The following RINT1 variants were observed in gnomAD, a reference collection of about 807,000 sequenced individuals.
The protein encoded by RINT1 is RAD50-interacting protein 1.
In RINT1, 75 loss-of-function variants were observed where a neutral mutation model predicts 97.7. The observed-to-expected ratio is 0.77, with a 90% CI of 0.64 to 0.93. The LOEUF (loss-of-function observed/expected upper bound fraction) is 0.93. Ranked by LOEUF, RINT1 falls within the 40% of genes least tolerant of loss-of-function variation. The probability of loss-of-function intolerance (pLI) is 0.00; values close to 1 mark genes in which losing one functional copy is unlikely to be tolerated. For synonymous variants in RINT1, 303 were observed against 326.3 expected (o/e 0.93, Z 0.77); for missense variants, 892 against 925.2 (o/e 0.96, Z 0.47).
chr7:105,546,398 A>C (rs996852024), intron 4 of RINT1, among the ~76,000 whole-genome samples: 5 of 152,184 alleles, frequency 3.3e-5, no homozygotes, highest in Non-Finnish European at 7.3e-5. Context: ...AGAAGAATGC[A>C]GAAGTAGAGG....
intron 14 of RINT1, chr7:105,566,787 T>G (rs895071518): frequency 6.1e-6 from 1 of 164,990 alleles, no homozygotes; most frequent in African/African-American, 2.4e-5. Flanking sequence ...CTGCTTTCAT[T>G]TATCTCTTAT....
At position 105,563,751 on chromosome 7, in the gene RINT1, C is replaced by G; in HGVS notation, c.1690C>G (p.Gln564Glu). 1 of 1,613,272 alleles carries G rather than the reference C, an allele frequency of 6.2e-7. No individual in the cohort carries two copies. Among genetic ancestry groups the G allele is most frequent in the Non-Finnish European group, 8.5e-7 (1 of 1,179,570 alleles). The change falls in exon 12 of 15, where the codon CAG becomes GAG. Residue 564 changes from glutamine (Q) to glutamate (E), a missense_variant. Transcript: ENST00000257700. ...CTTTCAGTTCTTTCTACAACTTCAACAGGCTGCACTGGAGGTGTTTGCAGA... is the reference window on the plus strand; with the variant it reads ...CTTTCAGTTCTTTCTACAACTTCAAGAGGCTGCACTGGAGGTGTTTGCAGA... ...ADNVFFLQLQQAALEVFAENN... is the reference protein window; with the variant it reads ...ADNVFFLQLQEAALEVFAENN...
At chr7:105,566,921 T>C (rs1316864604) in intron 14 of RINT1, 198 bp from the exon 15 acceptor site, 18 of 373,678 alleles carry the variant, frequency 4.8e-5, no homozygotes, top group South Asian at 1.2e-4. Context: ...TATTACCTTA[T>C]AGTAATCTAA....
intron 7 of RINT1, among the ~76,000 whole-genome samples, chr7:105,549,168 A>G (rs947970675): frequency 2.0e-5 from 3 of 151,540 alleles, no homozygotes; most frequent in Non-Finnish European, 2.9e-5. Context: ...TTGTAATTTT[A>G]GTAGAGATGG....
Position 105,567,102 on chromosome 7 carries a change from T to G in RINT1, c.2187-17T>G. The G allele has an allele frequency of 6.8e-7, 1 of 1,466,198 alleles. No homozygotes were observed. Among genetic ancestry groups the G allele is most frequent in the Non-Finnish European group, 9.1e-7 (1 of 1,104,494 alleles). 90.8% of individuals were successfully genotyped at this position (1,466,198 alleles called of 1,614,324 possible). A position where few individuals can be genotyped will look rare whatever the true frequency, so the allele number is the denominator to read the frequency against. On this transcript the variant is annotated splice_polypyrimidine_tract_variant and intron_variant, in intron 14 of 14. Coordinates refer to ENST00000257700, the MANE Select transcript of RINT1 (RefSeq NM_021930.6). The stretch of plus-strand genomic sequence containing the variant: ...ATAATGGAGATCTCATTTCCCTCCT[T>G]TGTTTTCCCTAAACAGTATAAAAGA...
intron 3 of RINT1, among the ~76,000 whole-genome samples, chr7:105,540,557 C>T (rs767481584): frequency 2.0e-5 from 3 of 152,084 alleles, no homozygotes; most frequent in South Asian, 2.1e-4. Context: ...ACACTGTGCC[C>T]GGCTGAATTT....
At chr7:105,547,779 G>T (rs1280077219) in intron 6 of RINT1, among the ~76,000 whole-genome samples, 1 of 147,132 alleles carries the variant, frequency 6.8e-6, no homozygotes, top group African/African-American at 2.5e-5. Context: ...GAATGAAGTG[G>T]CGTGATCTCA....
chr7:105,540,213 G>A (rs1790402281), intron 3 of RINT1, among the ~76,000 whole-genome samples: 1 of 151,166 alleles, frequency 6.6e-6, no homozygotes. Flanking sequence ...CTGAATAGCT[G>A]GGATTACAGG....
intron 11 of RINT1, among the ~76,000 whole-genome samples, chr7:105,561,632 G>A (rs1791446065): frequency 6.6e-6 from 1 of 152,102 alleles, no homozygotes; most frequent in Non-Finnish European, 1.5e-5. Context: ...CACGATCTCG[G>A]CTTACTGCAA....
intron 10 of RINT1, among the ~76,000 whole-genome samples, chr7:105,553,898 T>A (rs186751803): frequency 0.089 from 9,902 of 111,660 alleles, 445 homozygotes; most frequent in East Asian, 0.13. Flanking sequence ...TTTTTTTTTT[T>A]TTTTTTTTTT....
At chr7:105,561,186 A>G (rs564605324) in intron 11 of RINT1, among the ~76,000 whole-genome samples, 102 of 152,036 alleles carry the variant, frequency 6.7e-4, no homozygotes, top group Non-Finnish European at 1.3e-3. Context: ...TTATAATCTT[A>G]TGCTTAAATG....
intron 3 of RINT1, among the ~76,000 whole-genome samples, chr7:105,540,277 T>G (rs1184002159): frequency 6.6e-6 from 1 of 151,854 alleles, no homozygotes; most frequent in Non-Finnish European, 1.5e-5. Context: ...TTATTTTATT[T>G]TTTGAGACAG....
chr7:105,550,683 C>T (rs1419989980), intron 9 of RINT1, among the ~76,000 whole-genome samples, 197 bp downstream of exon 9: 1 of 152,096 alleles, frequency 6.6e-6, no homozygotes, highest in Non-Finnish European at 1.5e-5. Context: ...TTACACTCTA[C>T]ATATTTCTAG....
intron 14 of RINT1, 30 bp downstream of exon 14, chr7:105,565,678 A>C: frequency 1.4e-6 from 2 of 1,402,784 alleles, no homozygotes; most frequent in Non-Finnish European, 2.0e-6. Flanking sequence ...ATTAATATTA[A>C]TGTATCAAAT....
At position 105,554,469 on chromosome 7, in the gene RINT1, C is replaced by T. The variant is rs1481890708; in HGVS notation, c.1472-559C>T. Among the ~76,000 whole-genome samples, 5 of 146,236 alleles carry T rather than the reference C, an allele frequency of 3.4e-5. No individual in the cohort carries two copies. The South Asian group carries it at 8.5e-4, about 25-fold the overall frequency. On this transcript the variant is annotated intron_variant, in intron 10 of 14. Transcript: ENST00000257700. Reference sequence around the variant, plus strand: ...TTTTTTTTTTTGTTAGATGGAGTCTCACTCTGTTGCCTAGGCTGGAAAGCA... The same window carrying T: ...TTTTTTTTTTTGTTAGATGGAGTCTTACTCTGTTGCCTAGGCTGGAAAGCA...
chr7:105,564,315 G>A (rs945468266), intron 12 of RINT1, among the ~76,000 whole-genome samples: 1 of 152,110 alleles, frequency 6.6e-6, no homozygotes, highest in Non-Finnish European at 1.5e-5. Flanking sequence ...TCCAACTCCT[G>A]ACCTCAGGCA....
rs1324477579 is a variant in RINT1 at position 105,550,097 on chromosome 7, C to G, written c.1039C>G (p.His347Asp). Residue 347 changes from histidine (H) to aspartate (D), a missense_variant, in exon 8 of 15, where the codon CAT becomes GAT. Coordinates refer to ENST00000257700, the MANE Select transcript of RINT1 (RefSeq NM_021930.6). Reference protein sequence around the residue: ...LAQVLMWIGNHTEFLDEKIQP... With the variant: ...LAQVLMWIGNDTEFLDEKIQP... ...TCAAGTACTTATGTGGATTGGAAAC[C>G]ATACTGAATTTCTGGATGAGAAGAT... 1 of 1,613,790 alleles carries G rather than the reference C, an allele frequency of 6.2e-7. No homozygotes were observed. Among genetic ancestry groups the G allele is most frequent in the Non-Finnish European group, 8.5e-7 (1 of 1,179,800 alleles).
chr7:105,558,913 T>C (rs777229803), intron 11 of RINT1, among the ~76,000 whole-genome samples: 6 of 151,576 alleles, frequency 4.0e-5, no homozygotes, highest in Non-Finnish European at 8.8e-5. Context: ...TGAGCCTTCA[T>C]CACACTACTG....
chr7:105,551,332 C>CAAT (rs1216021833), intron 9 of RINT1, among the ~76,000 whole-genome samples: 1 of 152,114 alleles, frequency 6.6e-6, no homozygotes, highest in Admixed American at 6.6e-5. Context: ...CGTGCCTGGC[C>CAAT]AATAGAATAT....
Sources: gnomAD v4.1 joint callset for allele counts (sites outside exome capture counted in the v4.1 genomes callset) on GRCh38, gnomAD v4.1.1 for gene constraint, MANE v1.5 for transcripts, NCBI Gene and HGNC (gene_info 2026-07-23, HGNC 2026-07-21) for gene names.